Variants in TMEM40 observed in about 807,000 individuals in gnomAD.
TMEM40 encodes the protein transmembrane protein 40.
TMEM40 carries 34 observed loss-of-function variants against 40.8 expected under a neutral mutation model. That is an observed-to-expected ratio of 0.83 (90% CI 0.63 to 1.11). The LOEUF is 1.11. TMEM40 is among the 50% of genes least tolerant of loss of function. The pLI, the probability that TMEM40 is intolerant of heterozygous loss-of-function variation, is 0.00. For synonymous variants in TMEM40, 106 were observed against 107.0 expected, an observed-to-expected ratio of 0.99 and a Z score of 0.06; for missense variants, 296 against 280.2, an observed-to-expected ratio of 1.06 and a Z score of -0.40.
In TMEM40 at chr3:12,752,495, G is replaced by A. The variant is rs192057379; in HGVS notation, c.-8-2655C>T. Among the ~76,000 whole-genome samples the A allele has an allele frequency of 4.5e-4, 69 of 152,236 alleles. No homozygotes were observed. In the East Asian group the frequency reaches 0.013, roughly 28 times the overall value. On this transcript the variant is annotated intron_variant, in intron 1 of 11. Transcript: ENST00000314124. ...GGTCAGAATATTGGGGCACAGAGAG[G>A]ATAAGAAACTTGCCCAGGACCGGCC...
chr3:12,760,378 C>T (rs1036429369), upstream of TMEM40, among the ~76,000 whole-genome samples: 1 of 152,168 alleles, frequency 6.6e-6, no homozygotes, highest in African/African-American at 2.4e-5. Flanking sequence ...CTGGCCCTCT[C>T]TGACCTTGGT....
intron 1 of TMEM40, among the ~76,000 whole-genome samples, chr3:12,755,218 TC>T (rs1559533243): frequency 1.6e-4 from 12 of 76,886 alleles, no homozygotes; most frequent in African/African-American, 9.3e-4. Context: ...TTTCTTTCTC[TC>T]TCTCTCTCTC....
rs374244617 is a variant in TMEM40, at chr3:12,743,994, G to C, written c.212-5C>G. 1.9e-6 allele frequency: 3 copies of C among 1,610,072 alleles called. No homozygotes were observed. The highest frequency in any genetic ancestry group is 2.5e-6 in the Non-Finnish European group (3 of 1,178,326). ...GCTGGTCCTCATCATTGCTCTCTGC[G>C]GGTAACAAACACAAGCTGTAGGAGA... On this transcript the variant is annotated splice_polypyrimidine_tract_variant and splice_region_variant and intron_variant, in intron 3 of 11. Coordinates refer to ENST00000314124, the MANE Select transcript of TMEM40 (RefSeq NM_018306.4).
At chr3:12,745,573 T>C (rs1270079541) in intron 3 of TMEM40, among the ~76,000 whole-genome samples, 1 of 152,134 alleles carries the variant, frequency 6.6e-6, no homozygotes, top group Admixed American at 6.5e-5. Context: ...CCCAGCCTCC[T>C]GGGTAGCTGG....
intron 5 of TMEM40, 100 bp from the exon 6 acceptor site, chr3:12,738,688 T>C: frequency 1.5e-6 from 2 of 1,315,488 alleles, no homozygotes; most frequent in African/African-American, 1.4e-5. Context: ...ACTTCCCACT[T>C]AATCTGGAGT....
chr3:12,736,022 G>A (rs867419769), intron 10 of TMEM40, among the ~76,000 whole-genome samples: 6 of 152,170 alleles, frequency 3.9e-5, no homozygotes, highest in East Asian at 3.9e-4. Context: ...CCCTGGGCCC[G>A]GCCTCTTTGG....
intron 1 of TMEM40, among the ~76,000 whole-genome samples, chr3:12,766,215 T>A (rs905237987): frequency 6.6e-6 from 1 of 152,094 alleles, no homozygotes; most frequent in African/African-American, 2.4e-5. Context: ...ATGGTGTGGA[T>A]AGGCAACTGT....
intron 1 of TMEM40, among the ~76,000 whole-genome samples, chr3:12,753,211 C>CTTTTTTTTTTTTTTTTT (rs56739791): frequency 1.4e-4 from 11 of 76,292 alleles, no homozygotes; most frequent in Admixed American, 3.7e-4. Context: ...TTCTTTCTTT[C>CTTTTTTTTTTTTTTTTT]TTTTTTTTTT....
intron 10 of TMEM40, among the ~76,000 whole-genome samples, chr3:12,735,845 C>T (rs1478913450): frequency 6.6e-6 from 1 of 152,180 alleles, no homozygotes; most frequent in African/African-American, 2.4e-5. Flanking sequence ...TTCCCAACTC[C>T]ATTAACTAAC....
chr3:12,755,213 T>TTCTTTCTTTC (rs1553634015), intron 1 of TMEM40, among the ~76,000 whole-genome samples: 6 of 94,318 alleles, frequency 6.4e-5, no homozygotes, highest in African/African-American at 2.6e-4. Context: ...CTTTCTTTCT[T>TTCTTTCTTTC]TCTCTCTCTC....
chr3:12,758,792 C>T (rs1204779435), intron 1 of TMEM40, among the ~76,000 whole-genome samples: 1 of 152,214 alleles, frequency 6.6e-6, no homozygotes, highest in Non-Finnish European at 1.5e-5. Flanking sequence ...CCCCTCCCCT[C>T]CTAAGCTGTT....
At chr3:12,755,247 CTT>C (rs2061517285) in intron 1 of TMEM40, among the ~76,000 whole-genome samples, 1 of 94,282 alleles carries the variant, frequency 1.1e-5, no homozygotes, top group African/African-American at 5.5e-5. Flanking sequence ...TTCTTTCTTT[CTT>C]TCTTTCTTTC....
intron 3 of TMEM40, among the ~76,000 whole-genome samples, chr3:12,744,337 C>T (rs1241509037): frequency 1.3e-5 from 2 of 152,164 alleles, no homozygotes; most frequent in Non-Finnish European, 2.9e-5. Flanking sequence ...TCTGTTTCCC[C>T]ACCCATCATG....
At chr3:12,752,115 GTCTC>G (rs796587699) in intron 1 of TMEM40, among the ~76,000 whole-genome samples, 9 of 152,014 alleles carry the variant, frequency 5.9e-5, no homozygotes, top group African/African-American at 2.2e-4. Flanking sequence ...TTTTGACAAG[GTCTC>G]TCTCTATCAC....
At chr3:12,768,336 G>A (rs1393697640) in intron 1 of TMEM40, among the ~76,000 whole-genome samples, 2 of 152,020 alleles carry the variant, frequency 1.3e-5, no homozygotes, top group Admixed American at 6.6e-5. Context: ...GACCCCAGCG[G>A]GTTACCACTG....
In TMEM40 at chr3:12,738,146, G is replaced by C. The variant is rs1345878507; in HGVS notation, c.414C>G (p.Asp138Glu). 5 of 1,613,836 alleles carry C rather than the reference G, an allele frequency of 3.1e-6. No homozygotes were observed. Among genetic ancestry groups the C allele is most frequent in the Non-Finnish European group, 4.2e-6 (5 of 1,179,982 alleles). ...GESGLRRRGS[D>E]PASGEVEASQ... Reference sequence around the variant, plus strand: ...AGCTTGTGTATTTACCACTTGCTGGGTCAGAGCCTCTCCTTCGGAGTCCTG... The same window carrying C: ...AGCTTGTGTATTTACCACTTGCTGGCTCAGAGCCTCTCCTTCGGAGTCCTG... Residue 138 changes from aspartate to glutamate, a missense_variant, in exon 7 of 12, where the codon GAC becomes GAG. Coordinates refer to ENST00000314124, the MANE Select transcript of TMEM40 (RefSeq NM_018306.4).
chr3:12,742,149 G>C (rs1435216008), intron 5 of TMEM40, among the ~76,000 whole-genome samples: 1 of 152,154 alleles, frequency 6.6e-6, no homozygotes, highest in Non-Finnish European at 1.5e-5. Flanking sequence ...AGAATCACTT[G>C]AATTGGGGAG....
Position 12,736,587 on chromosome 3 carries a change from A to T in TMEM40, c.610T>A (p.Phe204Ile). The T allele has an allele frequency of 6.4e-7, 1 of 1,556,226 alleles. No homozygotes were observed. Among genetic ancestry groups the T allele is most frequent in the Non-Finnish European group, 8.7e-7 (1 of 1,149,516 alleles). ...TGGGGGAGGGGCTTACCTAGTCCGA[A>T]GTAGATGCCAACGGTTTCCAGGGAG... ...FASLETVGIYFGLVYRIHSVL... is the reference protein window; with the variant it reads ...FASLETVGIYIGLVYRIHSVL... The change falls in exon 10 of 12, where the codon TTC becomes ATC. Residue 204 changes from phenylalanine to isoleucine, a missense_variant. Phe to Ile is a conservative substitution (Grantham distance 21). Transcript: ENST00000314124.
At chr3:12,753,842 G>A (rs1188557262) in intron 1 of TMEM40, among the ~76,000 whole-genome samples, 1 of 152,216 alleles carries the variant, frequency 6.6e-6, no homozygotes, top group Non-Finnish European at 1.5e-5. Context: ...CCCTTCAGGT[G>A]AGCCCAGATT....
Sources: gnomAD v4.1 joint callset for allele counts (sites outside exome capture counted in the v4.1 genomes callset) on GRCh38, gnomAD v4.1.1 for gene constraint, MANE v1.5 for transcripts, NCBI Gene and HGNC (gene_info 2026-07-23, HGNC 2026-07-21) for gene names.